AUTS2: variants seen among roughly 807,000 people sequenced by gnomAD.
AUTS2 encodes the protein activator of transcription and developmental regulator AUTS2.
In AUTS2, 17 loss-of-function variants were observed where a neutral mutation model predicts 112.4. The observed-to-expected ratio is 0.15, with a 90% CI of 0.10 to 0.23. AUTS2 has a LOEUF of 0.23. Among genes scored for constraint, AUTS2 ranks in the 10% least tolerant of loss-of-function variants. AUTS2 has a pLI of 1.00. For missense variants in AUTS2, 1,510 were observed against 1,701.6 expected (o/e 0.89, Z 1.98); for synonymous variants, 751 against 702.7 (o/e 1.07, Z -1.09).
At chr7:69,729,335 A>T (rs746156173) in intron 1 of AUTS2, among the ~76,000 whole-genome samples, 7 of 118,462 alleles carry the variant, frequency 5.9e-5, no homozygotes, top group East Asian at 2.4e-4. Context: ...TTTTAATAGC[A>T]TTTTTTTTTT....
intron 1 of AUTS2, among the ~76,000 whole-genome samples, chr7:69,638,042 A>G (rs572268756): frequency 7.9e-5 from 12 of 152,370 alleles, no homozygotes; most frequent in African/African-American, 2.9e-4. Context: ...TTTTTGAGAC[A>G]GGTTCTTGCT....
At position 70,648,606 on chromosome 7, in the gene AUTS2, C is replaced by CA. The variant is rs1309208770; in HGVS notation, c.691-49962dup. The stretch of plus-strand genomic sequence containing the variant: ...TTTTGTTTCGTTTTGTTTTTTGAGA[C>CA]AGTCTCACTTTGTCACCCAGGCTGG... On this transcript the variant is annotated intron_variant, in intron 5 of 18. Coordinates refer to ENST00000342771, the MANE Select transcript of AUTS2 (RefSeq NM_015570.4). Among the ~76,000 whole-genome samples, 399 of 152,214 alleles carry CA rather than the reference C, an allele frequency of 2.6e-3. 4 individuals carry two copies. The highest frequency in any genetic ancestry group is 9.0e-3 in the African/African-American group (372 of 41,532).
chr7:70,749,641 G>A (rs1448594544), intron 6 of AUTS2, among the ~76,000 whole-genome samples: 3 of 152,206 alleles, frequency 2.0e-5, no homozygotes, highest in African/African-American at 4.8e-5. Flanking sequence ...TGGTGCTCAC[G>A]CATAAGCTAG....
At chr7:70,604,394 G>A (rs1426355157) in intron 5 of AUTS2, among the ~76,000 whole-genome samples, 4 of 152,186 alleles carry the variant, frequency 2.6e-5, no homozygotes, top group African/African-American at 4.8e-5. Context: ...TTTACTTGCT[G>A]TGATTGTGTA....
chr7:69,666,158 A>C (rs536198574), intron 1 of AUTS2, among the ~76,000 whole-genome samples: 2 of 152,340 alleles, frequency 1.3e-5, no homozygotes, highest in Admixed American at 6.5e-5. Context: ...ATATGTGTAC[A>C]TATATTTACA....
intron 5 of AUTS2, among the ~76,000 whole-genome samples, chr7:70,636,215 C>T (rs914542296): frequency 2.0e-5 from 3 of 152,200 alleles, no homozygotes; most frequent in Admixed American, 6.5e-5. Flanking sequence ...GAGATGGTGG[C>T]TTCACTTCCT....
At chr7:69,899,087 A>G (rs1794865147) in intron 1 of AUTS2, among the ~76,000 whole-genome samples, 199 bp from the exon 2 acceptor site, 1 of 152,030 alleles carries the variant, frequency 6.6e-6, no homozygotes, top group African/African-American at 2.4e-5. Context: ...AATAGAAAGG[A>G]TATATATATT....
rs1393334846 is a variant in AUTS2, at chr7:70,217,901, T to G, written c.660+83330T>G. Among the ~76,000 whole-genome samples, 3 of 152,358 alleles carry G rather than the reference T, an allele frequency of 2.0e-5. No individual in the cohort carries two copies. In the South Asian group the frequency reaches 6.2e-4, roughly 32 times the overall value. ...AGGTTGGTTCTCTGTATTAAATCAC[T>G]TCCTACAGAAAATTTCTTAAGTGTT... On this transcript the variant is annotated intron_variant, in intron 4 of 18. Transcript: ENST00000342771.
At chr7:70,120,050 T>G (rs1259247457) in intron 3 of AUTS2, 39 of 152,150 alleles carry the variant, frequency 2.6e-4, no homozygotes, top group Admixed American at 2.6e-3. Context: ...CTCAAAACTT[T>G]TTTTTACTGA....
intron 2 of AUTS2, among the ~76,000 whole-genome samples, chr7:69,992,493 A>G (rs959236921): frequency 2.0e-5 from 3 of 152,098 alleles, no homozygotes; most frequent in African/African-American, 7.2e-5. Context: ...GTGCCTCCTG[A>G]GTGTATTTGG....
intron 6 of AUTS2, among the ~76,000 whole-genome samples, chr7:70,731,000 GT>G (rs1175125524): frequency 1.3e-5 from 2 of 152,180 alleles, no homozygotes; most frequent in African/African-American, 4.8e-5. Flanking sequence ...GACTAATGAT[GT>G]TGAGCATCTT....
chr7:70,665,480 T>TA (rs58458839), intron 5 of AUTS2, among the ~76,000 whole-genome samples: 8 of 151,872 alleles, frequency 5.3e-5, no homozygotes, highest in South Asian at 2.1e-4. Context: ...TTTATTTATT[T>TA]TTGTAGAGGT....
chr7:70,773,627 C>T (rs1249454395), intron 11 of AUTS2, among the ~76,000 whole-genome samples: 2 of 152,222 alleles, frequency 1.3e-5, no homozygotes, highest in Non-Finnish European at 2.9e-5. Context: ...ACACCTGATA[C>T]TGCCAATTAT....
chr7:69,766,051 G>T (rs777495124), intron 1 of AUTS2, among the ~76,000 whole-genome samples: 7 of 152,176 alleles, frequency 4.6e-5, no homozygotes, highest in Non-Finnish European at 8.8e-5. Context: ...CCAATCTCCA[G>T]AACTCTCCGT....
intron 4 of AUTS2, among the ~76,000 whole-genome samples, chr7:70,174,014 A>G (rs1428952146): frequency 6.6e-6 from 1 of 152,224 alleles, no homozygotes; most frequent in Non-Finnish European, 1.5e-5. Flanking sequence ...ATCAAACTCT[A>G]GAAATGATTT....
chr7:70,725,467 C>G (rs1279210778), intron 6 of AUTS2, among the ~76,000 whole-genome samples: 2 of 152,184 alleles, frequency 1.3e-5, no homozygotes, highest in African/African-American at 2.4e-5. Flanking sequence ...AATTTGGGAG[C>G]AACTCTAGTC....
intron 2 of AUTS2, among the ~76,000 whole-genome samples, chr7:70,089,207 G>A (rs1803779172): frequency 1.3e-5 from 2 of 152,060 alleles, no homozygotes; most frequent in African/African-American, 2.4e-5. Flanking sequence ...GCTAATATTT[G>A]TTCTATCAAT....
chr7:70,025,073 G>A (rs1213461845), intron 2 of AUTS2, among the ~76,000 whole-genome samples: 1 of 152,092 alleles, frequency 6.6e-6, no homozygotes, highest in Admixed American at 6.5e-5. Context: ...TGAGGTTATG[G>A]GACAGCATTA....
chr7:70,011,856 G>T (rs969786496), intron 2 of AUTS2, among the ~76,000 whole-genome samples: 16 of 152,126 alleles, frequency 1.1e-4, no homozygotes, highest in African/African-American at 3.9e-4. Flanking sequence ...CTCTGCCTGT[G>T]TTGGGGCTAG....
Sources: allele counts gnomAD v4.1 joint callset (sites outside exome capture counted in the v4.1 genomes callset), GRCh38; gene constraint gnomAD v4.1.1; transcripts MANE v1.5; gene names NCBI Gene and HGNC (gene_info 2026-07-23, HGNC 2026-07-21).